DHX36: variants seen among roughly 807,000 people sequenced by gnomAD.
DHX36 encodes DEAH-box helicase 36.
DHX36 carries 50 observed loss-of-function variants against 139.0 expected under a neutral mutation model. That is an observed-to-expected ratio of 0.36 (90% CI 0.29 to 0.46). DHX36 has a LOEUF of 0.46. DHX36 is among the 20% of genes least tolerant of loss of function. The pLI is 1.00. For missense variants in DHX36, 1,024 were observed against 1,211.3 expected, an observed-to-expected ratio of 0.85 and a Z score of 2.29; for synonymous variants, 425 against 401.9, an observed-to-expected ratio of 1.06 and a Z score of -0.69.
At chr3:154,282,171 G>A (rs1576856295) in intron 20 of DHX36, among the ~76,000 whole-genome samples, 1 of 151,958 alleles carries the variant, frequency 6.6e-6, no homozygotes, top group Non-Finnish European at 1.5e-5. Flanking sequence ...CAAAATAAAC[G>A]TTCAATTACA....
chr3:154,286,379 T>C (rs1204512716), intron 17 of DHX36, among the ~76,000 whole-genome samples: 1 of 151,638 alleles, frequency 6.6e-6, no homozygotes, highest in East Asian at 1.9e-4. Context: ...AAAATCTACA[T>C]GAAGTTATTT....
intron 13 of DHX36, among the ~76,000 whole-genome samples, chr3:154,294,758 G>A (rs931321035): frequency 3.3e-5 from 5 of 152,170 alleles, no homozygotes; most frequent in Admixed American, 6.5e-5. Context: ...GCAAGAGCCT[G>A]CAAATACTGT....
chr3:154,291,413 G>C (rs1021947633), intron 15 of DHX36, among the ~76,000 whole-genome samples: 1 of 152,128 alleles, frequency 6.6e-6, no homozygotes, highest in Non-Finnish European at 1.5e-5. Context: ...GCCAAAACCT[G>C]TTCACTATGG....
intron 17 of DHX36, among the ~76,000 whole-genome samples, chr3:154,288,303 T>C (rs1213612404): frequency 1.3e-5 from 2 of 151,980 alleles, no homozygotes; most frequent in Non-Finnish European, 2.9e-5. Flanking sequence ...TCATGTAAAG[T>C]TCACAAAATA....
chr3:154,281,121 A>G (rs971721622), intron 20 of DHX36, among the ~76,000 whole-genome samples: 2 of 152,110 alleles, frequency 1.3e-5, no homozygotes, highest in African/African-American at 2.4e-5. Flanking sequence ...TGTAACTGAG[A>G]TCTTATGGCC....
intron 17 of DHX36, among the ~76,000 whole-genome samples, chr3:154,288,003 G>C (rs1256612854): frequency 6.6e-6 from 1 of 152,070 alleles, no homozygotes; most frequent in Non-Finnish European, 1.5e-5. Flanking sequence ...AGGAGTTTAA[G>C]TGGTTTGCAA....
chr3:154,292,432 A>C, intron 15 of DHX36, 119 bp downstream of exon 15: 4 of 1,378,282 alleles, frequency 2.9e-6, no homozygotes, highest in Non-Finnish European at 4.0e-6. Flanking sequence ...GTTTTGCAAT[A>C]AGCTCAAAAT....
chr3:154,312,669 C>T (rs1227998993), intron 3 of DHX36, among the ~76,000 whole-genome samples: 5 of 150,542 alleles, frequency 3.3e-5, no homozygotes, highest in Admixed American at 6.6e-5. Flanking sequence ...GGTGAAATCC[C>T]GTCTCTACTA....
intron 3 of DHX36, among the ~76,000 whole-genome samples, chr3:154,312,796 C>G (rs1375212080): frequency 2.2e-5 from 3 of 139,282 alleles, no homozygotes. Context: ...CCACGGCACT[C>G]CAGCCTGGGT....
In DHX36 at chr3:154,280,669, T is replaced by G. The variant is rs756689810; in HGVS notation, c.2477A>C (p.Asp826Ala). ...GACAGCTTTAATTATCTTCTCATTA[T>G]CTATGGGGGGTGAGAAGGTAGAGGG... ...PKDPESNINS[D>A]NEKIIKAVIC... Residue 826 changes from aspartate (D) to alanine (A), a missense_variant and splice_region_variant, in exon 22 of 25, where the codon GAT (aspartate) becomes GCT (alanine). Around this residue, in one of 4 missense-constraint regions of DHX36, gnomAD observed 470 missense variants for 616.2 expected, o/e 0.76. Coordinates refer to ENST00000496811, the MANE Select transcript of DHX36 (RefSeq NM_020865.3). 17 of 1,612,280 alleles carry G rather than the reference T, an allele frequency of 1.1e-5. No individual in the cohort carries two copies. The highest frequency in any genetic ancestry group is 1.4e-5 in the Non-Finnish European group (17 of 1,178,796).
chr3:154,285,482 G>A (rs1030446153), intron 17 of DHX36, among the ~76,000 whole-genome samples: 2 of 152,150 alleles, frequency 1.3e-5, no homozygotes, highest in Non-Finnish European at 2.9e-5. Flanking sequence ...ACTGTGGACA[G>A]CTAGAAAAGT....
At chr3:154,295,856 C>A (rs1712027443) in intron 12 of DHX36, among the ~76,000 whole-genome samples, 1 of 152,132 alleles carries the variant, frequency 6.6e-6, no homozygotes, top group Admixed American at 6.5e-5. Context: ...CAACCTCTGC[C>A]CCCTGGGCTC....
chr3:154,304,327 C>G (rs355755), intron 8 of DHX36, among the ~76,000 whole-genome samples: 105,742 of 152,000 alleles, frequency 0.7, 37,375 homozygotes, highest in South Asian at 0.77. Flanking sequence ...CTTAACTGCT[C>G]TGAGGCTGCT....
At chr3:154,298,045 T>C (rs1171439379) in intron 12 of DHX36, among the ~76,000 whole-genome samples, 1 of 152,132 alleles carries the variant, frequency 6.6e-6, no homozygotes, top group East Asian at 1.9e-4. Context: ...TTCAACATAA[T>C]TTGAGAAAAA....
At chr3:154,278,899 AT>A (rs1719241664) in intron 22 of DHX36, 1 of 152,176 alleles carries the variant, frequency 6.6e-6, no homozygotes, top group African/African-American at 2.4e-5. Context: ...CTTCAAGTCA[AT>A]TTACCAATGC....
At chr3:154,294,604 CTG>C (rs1354703337) in intron 13 of DHX36, among the ~76,000 whole-genome samples, 4 of 152,106 alleles carry the variant, frequency 2.6e-5, no homozygotes, top group Non-Finnish European at 5.9e-5. Flanking sequence ...GGTATGTACT[CTG>C]TATCTAATTC....
Position 154,315,127 on chromosome 3 carries a change from A to G in DHX36, c.522T>C (p.Asn174=). 6.2e-7 allele frequency: 1 copy of G among 1,613,228 alleles called. No individual in the cohort carries two copies. Among genetic ancestry groups the G allele is most frequent in the South Asian group, 1.1e-5 (1 of 90,992 alleles). Residue 174 remains asparagine (N), a synonymous_variant, in exon 3 of 25, where the codon AAT becomes AAC. Transcript: ENST00000496811. ...TTTGGTCTAAAGTTCCATCTGGTTC[A>G]TTTTCTTGCAAGAGATACTCAGAAT... ...DRDSEYLLQE[N]EPDGTLDQKL...
intron 21 of DHX36, 30 bp downstream of exon 21, chr3:154,280,733 T>A (rs759272615): frequency 1.2e-6 from 2 of 1,605,936 alleles, no homozygotes; most frequent in South Asian, 2.2e-5. Context: ...AGACAAAAGA[T>A]ACTTATTTAC....
intron 15 of DHX36, 88 bp downstream of exon 15, chr3:154,292,463 T>A (rs778200760): frequency 7.8e-6 from 12 of 1,531,072 alleles, no homozygotes; most frequent in Admixed American, 1.9e-5. Flanking sequence ...GTAACTCTTT[T>A]AATAAATATC....
Sources: gnomAD v4.1 joint callset for allele counts (sites outside exome capture counted in the v4.1 genomes callset) on GRCh38, gnomAD v4.1.1 for gene constraint, gnomAD v4.1.1 regional missense constraint, MANE v1.5 for transcripts, NCBI Gene and HGNC (gene_info 2026-07-23, HGNC 2026-07-21) for gene names.